The following METTL15 variants were observed in gnomAD, a reference collection of about 807,000 sequenced individuals.
The protein encoded by METTL15 is methyltransferase 15, mitochondrial 12S rRNA N4-cytidine.
METTL15 carries 34 observed loss-of-function variants against 38.3 expected under a neutral mutation model. That is an observed-to-expected ratio of 0.89 (90% CI 0.68 to 1.18). The LOEUF (loss-of-function observed/expected upper bound fraction) is 1.18, where lower values mean the gene tolerates loss of function less well. Among genes scored for constraint, METTL15 ranks in the 50% most tolerant of loss-of-function variants. METTL15 has a pLI of 0.00. For missense variants in METTL15, 438 were observed against 498.4 expected (o/e 0.88, Z 1.15); for synonymous variants, 162 against 170.9 (o/e 0.95, Z 0.41).
At chr11:28,372,219 C>T (rs1418171502) in intron 5 of METTL15, among the ~76,000 whole-genome samples, 1 of 151,816 alleles carries the variant, frequency 6.6e-6, no homozygotes, top group Non-Finnish European at 1.5e-5. Flanking sequence ...TTTTCCAGCA[C>T]CTATTGAAAT....
intron 5 of METTL15, among the ~76,000 whole-genome samples, chr11:28,420,426 C>T (rs1441719373): frequency 6.6e-6 from 1 of 152,040 alleles, no homozygotes; most frequent in Non-Finnish European, 1.5e-5. Context: ...ACATTCTTTC[C>T]CTTAACAAAT....
chr11:28,313,412 A>T (rs1857373150), intron 6 of METTL15, among the ~76,000 whole-genome samples: 1 of 151,986 alleles, frequency 6.6e-6, no homozygotes, highest in South Asian at 2.1e-4. Flanking sequence ...CATAAATATG[A>T]ATTCATTATT....
At chr11:28,204,751 C>G (rs1285958160) in intron 3 of METTL15, among the ~76,000 whole-genome samples, 1 of 151,814 alleles carries the variant, frequency 6.6e-6, no homozygotes, top group Non-Finnish European at 1.5e-5. Flanking sequence ...ATAAGGTAAT[C>G]TTTATAAATC....
At position 28,113,615 on chromosome 11, in the gene METTL15, T is replaced by C. The variant is rs774091218; in HGVS notation, c.270+11T>C. 34 of 1,596,896 alleles carry C rather than the reference T, an allele frequency of 2.1e-5. No individual in the cohort carries two copies. The Middle Eastern group carries it at 5.0e-4, about 24-fold the overall frequency. On this transcript the variant is annotated intron_variant, in intron 3 of 6. Transcript: ENST00000407364. ...CCACAAAAAGGACAGGTGAGTTGAA[T>C]TTTTATTTTTTAGCAAGTTTTTGTT... is the stretch of plus-strand genomic sequence containing the variant.
At chr11:28,418,396 G>A (rs1850791172) in intron 5 of METTL15, among the ~76,000 whole-genome samples, 1 of 152,148 alleles carries the variant, frequency 6.6e-6, no homozygotes, top group African/African-American at 2.4e-5. Flanking sequence ...GGATTACTGA[G>A]TTTCATGTAG....
In METTL15 at chr11:28,330,519, C is replaced by T. The variant is rs549371768; in HGVS notation, c.902C>T (p.Thr301Met). The T allele has an allele frequency of 1.4e-5, 22 of 1,551,622 alleles. No individual in the cohort carries two copies. In the East Asian group the frequency reaches 1.5e-4, roughly 10 times the overall value. Residue 301 changes from threonine to methionine, a missense_variant, in exon 7 of 7, where the codon ACG becomes ATG. Physicochemically the swap from Thr to Met is moderately conservative, Grantham distance 81. Transcript: ENST00000407364. ...AACAATGAGCTCAATGAACTCTACA[C>T]GGGACTGAAGACAGCTCAGAAGTTT... is the stretch of plus-strand genomic sequence containing the variant. ...FVNNELNELY[T>M]GLKTAQKFLR...
rs1390890349 is a variant in METTL15 at position 28,331,131 on chromosome 11, C to T, written c.*290C>T. On this transcript the variant is annotated 3_prime_UTR_variant, in exon 7 of 7. Coordinates refer to ENST00000407364, the MANE Select transcript of METTL15 (RefSeq NM_001113528.2). The stretch of plus-strand genomic sequence containing the variant: ...CCAGGAAATTTTTTAAAAAATAATA[C>T]TGTGTTGTGTTTATCTAAATACGTA... 4.5e-6 allele frequency: 1 copy of T among 220,250 alleles called. No homozygotes were observed. Among genetic ancestry groups the T allele is most frequent in the Admixed American group, 5.4e-5 (1 of 18,372 alleles). The allele number at this position is 220,250 out of a possible 1,614,324, so 13.6% of individuals were successfully genotyped here.
At chr11:28,140,113 C>T (rs1015893162) in intron 3 of METTL15, among the ~76,000 whole-genome samples, 16 of 152,144 alleles carry the variant, frequency 1.1e-4, no homozygotes, top group African/African-American at 3.6e-4. Context: ...CTTTCTGTTC[C>T]GAGCGTGTGC....
chr11:28,239,214 G>C (rs1854176897), intron 4 of METTL15, among the ~76,000 whole-genome samples: 1 of 152,144 alleles, frequency 6.6e-6, no homozygotes, highest in Non-Finnish European at 1.5e-5. Context: ...AGAAATCTCA[G>C]ATCTAACATG....
At chr11:28,340,299 G>T (rs989643803) in intron 3 of METTL15, among the ~76,000 whole-genome samples, 2 of 152,066 alleles carry the variant, frequency 1.3e-5, no homozygotes, top group South Asian at 2.1e-4. Context: ...TGATATGCTT[G>T]TATTAAAAAA....
intron 6 of METTL15, among the ~76,000 whole-genome samples, chr11:28,451,826 C>A (rs2133448388): frequency 6.6e-6 from 1 of 152,292 alleles, no homozygotes; most frequent in East Asian, 1.9e-4. Flanking sequence ...TGGGTTATGG[C>A]AGCCTTCCAG....
chr11:28,194,971 G>C (rs1425758696), intron 3 of METTL15, among the ~76,000 whole-genome samples: 1 of 151,960 alleles, frequency 6.6e-6, no homozygotes, highest in Non-Finnish European at 1.5e-5. Context: ...CCATTCCGGA[G>C]TTACTTTACT....
At chr11:28,208,860 A>T (rs1321749298) in intron 3 of METTL15, among the ~76,000 whole-genome samples, 1 of 152,038 alleles carries the variant, frequency 6.6e-6, no homozygotes, top group African/African-American at 2.4e-5. Context: ...TGAGGCCTAG[A>T]TGTCACTATT....
chr11:28,206,552 G>A (rs1052687688), intron 3 of METTL15, among the ~76,000 whole-genome samples: 4 of 151,142 alleles, frequency 2.6e-5, no homozygotes, highest in African/African-American at 9.8e-5. Context: ...GATGCCTCCA[G>A]TTTTGTTCTT....
chr11:28,237,394 T>G (rs754020673), intron 4 of METTL15, among the ~76,000 whole-genome samples: 11 of 152,206 alleles, frequency 7.2e-5, no homozygotes, highest in Non-Finnish European at 1.5e-4. Context: ...TTGATCGCAT[T>G]GGCTCTTGAG....
intron 6 of METTL15, among the ~76,000 whole-genome samples, chr11:28,520,955 G>A (rs188043824): frequency 4.3e-3 from 645 of 151,630 alleles, no homozygotes; most frequent in Middle Eastern, 0.01. Context: ...TTCCATTTTG[G>A]GCCTTGGCCA....
intron 6 of METTL15, chr11:28,328,051 A>G (rs1849694207): frequency 1.3e-6 from 2 of 1,579,194 alleles, no homozygotes; most frequent in East Asian, 2.3e-5. Context: ...ATGAATGTTT[A>G]CTTCCTATTT....
At chr11:28,323,865 C>A (rs907194077) in intron 6 of METTL15, among the ~76,000 whole-genome samples, 3 of 152,114 alleles carry the variant, frequency 2.0e-5, no homozygotes, top group Admixed American at 2.0e-4. Context: ...GAATGGAGTG[C>A]CTCTAATAAG....
intron 4 of METTL15, among the ~76,000 whole-genome samples, chr11:28,235,647 C>A (rs1305800271): frequency 6.6e-6 from 1 of 152,090 alleles, no homozygotes; most frequent in African/African-American, 2.4e-5. Flanking sequence ...GATTTTTGTA[C>A]ATTGATTTTG....
Sources: gnomAD v4.1 joint callset for allele counts (sites outside exome capture counted in the v4.1 genomes callset) on GRCh38, gnomAD v4.1.1 for gene constraint, MANE v1.5 for transcripts, NCBI Gene and HGNC (gene_info 2026-07-23, HGNC 2026-07-21) for gene names.